CSMD1: variants seen among roughly 807,000 people sequenced by gnomAD.
CSMD1 encodes CUB and Sushi multiple domains 1, also known as CUB and sushi domain-containing protein 1.
In CSMD1, 213 loss-of-function variants were observed where a neutral mutation model predicts 417.5. The ratio of observed to expected loss-of-function variants is 0.51; its 90% CI spans 0.46 to 0.57. CSMD1 has a LOEUF of 0.57. Among genes scored for constraint, CSMD1 ranks in the 20% least tolerant of loss-of-function variants. CSMD1 has a pLI of 0.00. For missense variants in CSMD1, 6,923 were observed against 4,529.7 expected, an observed-to-expected ratio of 1.53 and a Z score of -15.17; for synonymous variants, 2,862 against 1,736.8, an observed-to-expected ratio of 1.65 and a Z score of -16.11.
chr8:4,400,673 C>T (rs1430449), intron 3 of CSMD1, among the ~76,000 whole-genome samples: 32,759 of 151,660 alleles, frequency 0.22, 3,732 homozygotes, highest in Middle Eastern at 0.26. Flanking sequence ...TATTTTAGGC[C>T]GTTCAGGCTA....
chr8:4,934,139 G>T lies in CSMD1; in HGVS notation c.85+60193C>A, dbSNP rs578070093. ...AGAGACCTTTGACAAGGAACTCCTG[G>T]CCCAGTGACTCTGAGAAGAGGCCAG... On this transcript the variant is annotated intron_variant, in intron 1 of 69. Coordinates refer to ENST00000635120, the MANE Select transcript of CSMD1 (RefSeq NM_033225.6). Among the ~76,000 whole-genome samples, 15 of 152,252 alleles carry T rather than the reference G, an allele frequency of 9.9e-5. 1 individual carries two copies. In the East Asian group the frequency reaches 2.7e-3, roughly 27 times the overall value.
chr8:3,845,842 A>G (rs758097632), intron 5 of CSMD1, among the ~76,000 whole-genome samples: 3 of 148,530 alleles, frequency 2.0e-5, no homozygotes, highest in Non-Finnish European at 4.5e-5. Context: ...TTTTTTTTTT[A>G]CTTTCTATAC....
intron 37 of CSMD1, among the ~76,000 whole-genome samples, chr8:3,163,860 T>C (rs1023549248): frequency 6.6e-6 from 1 of 152,144 alleles, no homozygotes; most frequent in Non-Finnish European, 1.5e-5. Flanking sequence ...AGGCTCCTTG[T>C]GTCTGATATT....
intron 1 of CSMD1, among the ~76,000 whole-genome samples, chr8:4,859,113 A>G (rs1801979450): frequency 6.6e-6 from 1 of 152,146 alleles, no homozygotes; most frequent in East Asian, 1.9e-4. Flanking sequence ...ATAATGTCAC[A>G]TATCTGCAAC....
rs182822061 is a variant in CSMD1, at chr8:3,906,082, T to C, written c.818+91821A>G. ...AAGAGACTCACAGACATGCTCTCTC[T>C]TTCCTTCCCATGATGCTAACCTCAG... On this transcript the variant is annotated intron_variant, in intron 5 of 69. Coordinates refer to ENST00000635120, the MANE Select transcript of CSMD1 (RefSeq NM_033225.6). Among the ~76,000 whole-genome samples, 71 of 152,272 alleles carry C rather than the reference T, an allele frequency of 4.7e-4. 2 individuals are homozygous for C. The East Asian group carries it at 7.0e-3, about 15-fold the overall frequency.
chr8:4,514,687 C>T (rs773387779), intron 2 of CSMD1, among the ~76,000 whole-genome samples: 1 of 152,132 alleles, frequency 6.6e-6, no homozygotes, highest in Non-Finnish European at 1.5e-5. Context: ...AATAGAGTAC[C>T]TGGTACCTAA....
At chr8:4,239,132 T>A (rs1266739228) in intron 3 of CSMD1, among the ~76,000 whole-genome samples, 1 of 152,218 alleles carries the variant, frequency 6.6e-6, no homozygotes, top group African/African-American at 2.4e-5. Flanking sequence ...TAAAACAATT[T>A]ACTCCCCAAT....
At chr8:4,767,771 T>C (rs997569326) in intron 1 of CSMD1, among the ~76,000 whole-genome samples, 16 of 152,166 alleles carry the variant, frequency 1.1e-4, no homozygotes, top group Non-Finnish European at 2.1e-4. Flanking sequence ...GTGCAATTAT[T>C]TGCTTACTTA....
intron 10 of CSMD1, among the ~76,000 whole-genome samples, chr8:3,527,185 A>G (rs1318642964): frequency 6.6e-6 from 1 of 152,218 alleles, no homozygotes; most frequent in East Asian, 1.9e-4. Context: ...AAATTTTAAT[A>G]TAAAACACTA....
intron 1 of CSMD1, among the ~76,000 whole-genome samples, chr8:4,767,638 G>A (rs887927999): frequency 8.5e-5 from 13 of 152,214 alleles, no homozygotes; most frequent in South Asian, 2.1e-4. Flanking sequence ...AAGCTTCTTC[G>A]TCTTTCGTTA....
At chr8:3,032,180 G>T (rs1038103372) in intron 50 of CSMD1, among the ~76,000 whole-genome samples, 2 of 151,854 alleles carry the variant, frequency 1.3e-5, no homozygotes. Flanking sequence ...GATGAGAGTG[G>T]AAGAGTGGAG....
At chr8:4,316,983 G>C (rs1010444709) in intron 3 of CSMD1, among the ~76,000 whole-genome samples, 2 of 151,942 alleles carry the variant, frequency 1.3e-5, no homozygotes, top group African/African-American at 4.8e-5. Flanking sequence ...AAATACAATC[G>C]ACTCTTATTG....
intron 5 of CSMD1, among the ~76,000 whole-genome samples, chr8:3,883,191 A>C (rs1402811161): frequency 1.3e-5 from 2 of 152,202 alleles, no homozygotes; most frequent in Non-Finnish European, 2.9e-5. Context: ...CAAATGCAAG[A>C]AATGCAATTT....
At position 2,961,194 on chromosome 8, in the gene CSMD1, G is replaced by T; in HGVS notation, c.9649C>A (p.Pro3217Thr). 1 of 1,598,700 alleles carries T rather than the reference G, an allele frequency of 6.3e-7. No homozygotes were observed. Among genetic ancestry groups the T allele is most frequent in the Non-Finnish European group, 8.5e-7 (1 of 1,170,118 alleles). ...TCIDPAHNTC[P>T]DPGTPHFGIQ... ...CCAAAGTGTGGCGTACCAGGGTCTG[G>T]GCAGGTGTTATGAGCAGGATCTGAA... is the stretch of plus-strand genomic sequence containing the variant. Residue 3217 changes from proline (P) to threonine (T), a missense_variant, in exon 62 of 70, where the codon CCA (proline) becomes ACA (threonine). Coordinates refer to ENST00000635120, the MANE Select transcript of CSMD1 (RefSeq NM_033225.6).
intron 3 of CSMD1, among the ~76,000 whole-genome samples, chr8:4,375,391 A>G (rs968529629): frequency 2.0e-5 from 3 of 152,144 alleles, no homozygotes; most frequent in Admixed American, 6.5e-5. Context: ...AAAACAGGGC[A>G]TTATATTTTG....
At chr8:3,822,090 A>G (rs749906775) in intron 5 of CSMD1, among the ~76,000 whole-genome samples, 39 of 152,150 alleles carry the variant, frequency 2.6e-4, no homozygotes, top group Non-Finnish European at 4.7e-4. Context: ...GAAATGTCCT[A>G]TGTTTTGTCT....
At chr8:2,999,923 G>A in intron 53 of CSMD1, 35 bp downstream of exon 53, 4 of 1,565,396 alleles carry the variant, frequency 2.6e-6, no homozygotes, top group African/African-American at 1.4e-5. Context: ...GCAAAAGGAA[G>A]CATCGATGAA....
chr8:3,386,964 C>G (rs976375900), intron 18 of CSMD1, among the ~76,000 whole-genome samples: 1 of 152,090 alleles, frequency 6.6e-6, no homozygotes, highest in Non-Finnish European at 1.5e-5. Flanking sequence ...TTGAGATTCC[C>G]AAGAGAAGAT....
At chr8:4,700,634 T>C (rs965133518) in intron 1 of CSMD1, among the ~76,000 whole-genome samples, 1 of 152,012 alleles carries the variant, frequency 6.6e-6, no homozygotes, top group Non-Finnish European at 1.5e-5. Flanking sequence ...ACTCAATCTA[T>C]CACAAAAAAT....
Sources: allele counts gnomAD v4.1 joint callset (sites outside exome capture counted in the v4.1 genomes callset), GRCh38; gene constraint gnomAD v4.1.1; transcripts MANE v1.5; gene names NCBI Gene and HGNC (gene_info 2026-07-23, HGNC 2026-07-21).